The following EGFR variants were observed in gnomAD, a reference collection of about 807,000 sequenced individuals.
EGFR encodes the protein epidermal growth factor receptor, also known as avian erythroblastic leukemia viral (v-erb-b) oncogene homolog.
Under a neutral mutation model 143.0 loss-of-function variants are expected in EGFR, and 58 were observed. The ratio of observed to expected loss-of-function variants is 0.41; its 90% CI spans 0.33 to 0.50. The LOEUF is 0.50. Ranked by LOEUF, EGFR falls within the 20% of genes least tolerant of loss-of-function variation. EGFR has a pLI of 0.39. For synonymous variants in EGFR, 613 were observed against 594.4 expected (o/e 1.03, Z -0.45); for missense variants, 1,307 against 1,579.0 (o/e 0.83, Z 2.92).
At chr7:55,175,537 T>A (rs1263148419) in intron 19 of EGFR, among the ~76,000 whole-genome samples, 1 of 152,230 alleles carries the variant, frequency 6.6e-6, no homozygotes, top group Non-Finnish European at 1.5e-5. Context: ...TCTTCTACAC[T>A]GGCCTGGGCT....
intron 20 of EGFR, chr7:55,182,432 C>G (rs981409507): frequency 1.3e-5 from 2 of 152,228 alleles, no homozygotes; most frequent in East Asian, 3.9e-4. Context: ...CCTGCCGAGT[C>G]ATTCGTGAGG....
intron 1 of EGFR, among the ~76,000 whole-genome samples, chr7:55,027,991 A>AAAT (rs1554311534): frequency 2.0e-3 from 109 of 54,988 alleles, no homozygotes; most frequent in East Asian, 5.9e-3. Context: ...AAAAAAAAAA[A>AAAT]ATATATATAT....
chr7:55,075,320 T>C (rs1294237183), intron 1 of EGFR, among the ~76,000 whole-genome samples: 1 of 152,228 alleles, frequency 6.6e-6, no homozygotes, highest in African/African-American at 2.4e-5. Flanking sequence ...TCATTCACTC[T>C]GAACCCTTCT....
chr7:55,183,739 T>C (rs916103479), intron 20 of EGFR, among the ~76,000 whole-genome samples: 3 of 152,210 alleles, frequency 2.0e-5, no homozygotes, highest in Non-Finnish European at 4.4e-5. Context: ...CCCCAGAATA[T>C]CTGGTTGGTT....
At chr7:55,182,119 A>G (rs1786910094) in intron 20 of EGFR, 1 of 157,878 alleles carries the variant, frequency 6.3e-6, no homozygotes, top group Admixed American at 6.0e-5. Flanking sequence ...GGACCCAGAA[A>G]GACTTCTGCT....
chr7:55,155,918 T>G lies in EGFR; in HGVS notation c.978T>G (p.Cys326Trp). The change falls in exon 8 of 28, where the codon TGT becomes TGG. Residue 326 changes from cysteine (C) to tryptophan (W), a missense_variant. Cys to Trp is a radical substitution (Grantham distance 215, BLOSUM62 -2). Coordinates refer to ENST00000275493, the MANE Select transcript of EGFR (RefSeq NM_005228.5). ...YEMEEDGVRKCKKCEGPCRKV... is the reference protein window; with the variant it reads ...YEMEEDGVRKWKKCEGPCRKV... ...TGGAGGAAGACGGCGTCCGCAAGTG[T>G]AAGAAGTGCGAAGGGCCTTGCCGCA... is the stretch of plus-strand genomic sequence containing the variant. The G allele has an allele frequency of 6.2e-7, 1 of 1,613,944 alleles. No individual in the cohort carries two copies. Among genetic ancestry groups the G allele is most frequent in the Non-Finnish European group, 8.5e-7 (1 of 1,179,976 alleles).
chr7:55,083,337 G>A (rs189762718), intron 1 of EGFR, among the ~76,000 whole-genome samples: 135 of 152,294 alleles, frequency 8.9e-4, no homozygotes, highest in Non-Finnish European at 1.6e-3. Flanking sequence ...CACTTCCTTG[G>A]TATTCTTTAG....
intron 1 of EGFR, among the ~76,000 whole-genome samples, chr7:55,105,745 C>T (rs138329378): frequency 2.6e-4 from 40 of 152,248 alleles, no homozygotes; most frequent in South Asian, 2.1e-3. Flanking sequence ...AGTGAAAGAA[C>T]TCTGATTTCA....
At chr7:55,173,160 G>A (rs770922217) in intron 17 of EGFR, 36 bp downstream of exon 17, 29 of 1,602,808 alleles carry the variant, frequency 1.8e-5, no homozygotes, top group African/African-American at 8.0e-5. Flanking sequence ...AGGAGCCCTC[G>A]CACCCCGACA....
chr7:55,047,467 G>A (rs990522365), intron 1 of EGFR, among the ~76,000 whole-genome samples: 1 of 152,148 alleles, frequency 6.6e-6, no homozygotes, highest in African/African-American at 2.4e-5. Flanking sequence ...ATTAAAACTG[G>A]GACTGGGCAT....
At position 55,127,247 on chromosome 7, in the gene EGFR, G is replaced by T. The variant is rs572115745; in HGVS notation, c.89-15039G>T. On this transcript the variant is annotated intron_variant, in intron 1 of 27. Coordinates refer to ENST00000275493, the MANE Select transcript of EGFR (RefSeq NM_005228.5). ...CAGATAATTCTGTCACAAAGATCTG[G>T]GTCTCATTAGGAAGGAGAGGAAGCT... Among the ~76,000 whole-genome samples the T allele has an allele frequency of 6.6e-5, 10 of 152,214 alleles. No individual in the cohort carries two copies. In the South Asian group the frequency reaches 2.1e-3, roughly 32 times the overall value.
At chr7:55,142,835 C>T (rs1015915433) in intron 2 of EGFR, among the ~76,000 whole-genome samples, 5 of 152,214 alleles carry the variant, frequency 3.3e-5, no homozygotes, top group African/African-American at 1.2e-4. Flanking sequence ...CAGCTGGTCA[C>T]AGAATTCTTA....
chr7:55,133,091 CT>C (rs1207338297), intron 1 of EGFR, among the ~76,000 whole-genome samples: 1 of 152,184 alleles, frequency 6.6e-6, no homozygotes, highest in Non-Finnish European at 1.5e-5. Flanking sequence ...CGGGCCTGAA[CT>C]GAATAGAAGA....
chr7:55,132,296 A>G (rs1361504159), intron 1 of EGFR, among the ~76,000 whole-genome samples: 1 of 152,190 alleles, frequency 6.6e-6, no homozygotes, highest in Non-Finnish European at 1.5e-5. Context: ...TCCAATCCCA[A>G]TTTTTGAGTC....
chr7:55,126,576 C>T (rs1793535063), intron 1 of EGFR, among the ~76,000 whole-genome samples: 1 of 152,114 alleles, frequency 6.6e-6, no homozygotes, highest in African/African-American at 2.4e-5. Context: ...ATGCCAGGTG[C>T]CCCCACTGCA....
intron 1 of EGFR, among the ~76,000 whole-genome samples, chr7:55,032,779 G>T (rs1022432854): frequency 1.3e-5 from 2 of 152,118 alleles, no homozygotes; most frequent in Non-Finnish European, 2.9e-5. Context: ...CTGGCCATAA[G>T]ATAGAATATA....
rs116938191 is a variant in EGFR at position 55,091,183 on chromosome 7, C to T, written c.89-51103C>T. Among the ~76,000 whole-genome samples the T allele has an allele frequency of 2.3e-3, 350 of 152,300 alleles. 2 individuals are homozygous for T. The highest frequency in any genetic ancestry group is 4.5e-3 in the Non-Finnish European group (305 of 68,030). On this transcript the variant is annotated intron_variant, in intron 1 of 27. Coordinates refer to ENST00000275493, the MANE Select transcript of EGFR (RefSeq NM_005228.5). ...TTTGTATTGGATTTGCACAATTTCA[C>T]GTTCTGAAAGAGGATGCCCTCAACT...
chr7:55,089,939 C>CTTCT (rs1044973285), intron 1 of EGFR, among the ~76,000 whole-genome samples: 3 of 145,200 alleles, frequency 2.1e-5, no homozygotes, highest in African/African-American at 7.7e-5. Flanking sequence ...GGTGATGCTA[C>CTTCT]TTATTTATTT....
intron 1 of EGFR, among the ~76,000 whole-genome samples, chr7:55,045,073 T>C (rs1299567422): frequency 6.6e-6 from 1 of 152,192 alleles, no homozygotes; most frequent in Non-Finnish European, 1.5e-5. Context: ...CTTCCAAAAC[T>C]GCTTAAGCTT....
Sources: gnomAD v4.1 joint callset for allele counts (sites outside exome capture counted in the v4.1 genomes callset) on GRCh38, gnomAD v4.1.1 for gene constraint, MANE v1.5 for transcripts, NCBI Gene and HGNC (gene_info 2026-07-23, HGNC 2026-07-21) for gene names.